Variants in TM9SF2 observed in about 807,000 individuals in gnomAD.
TM9SF2 encodes the protein transmembrane 9 superfamily member 2.
Under a neutral mutation model 84.9 loss-of-function variants are expected in TM9SF2, and 13 were observed. The ratio of observed to expected loss-of-function variants is 0.15; its 90% CI spans 0.10 to 0.24. TM9SF2 has a LOEUF of 0.24. Among genes scored for constraint, TM9SF2 ranks in the 10% least tolerant of loss-of-function variants. The pLI is 1.00. For synonymous variants in TM9SF2, 273 were observed against 285.8 expected (o/e 0.96, Z 0.45); for missense variants, 562 against 818.5 (o/e 0.69, Z 3.82).
At chr13:99,547,172 TG>T in intron 11 of TM9SF2, 68 bp downstream of exon 11, 1 of 1,592,116 alleles carries the variant, frequency 6.3e-7, no homozygotes, top group Non-Finnish European at 8.6e-7. Flanking sequence ...GGATCTGACC[TG>T]GGTATCAGAT....
chr13:99,558,566 G>C (rs1296375220), intron 15 of TM9SF2, among the ~76,000 whole-genome samples: 3 of 152,018 alleles, frequency 2.0e-5, no homozygotes, highest in Non-Finnish European at 4.4e-5. Context: ...TTTATTCCTA[G>C]GTATTTTATT....
In TM9SF2 at chr13:99,501,559, C is replaced by A; in HGVS notation, c.-48C>A. 6.3e-7 allele frequency: 1 copy of A among 1,582,120 alleles called. No individual in the cohort carries two copies. On this transcript the variant is annotated 5_prime_UTR_variant, in exon 1 of 17. Coordinates refer to ENST00000376387, the MANE Select transcript of TM9SF2 (RefSeq NM_004800.3). ...TCTCCGAGACTCCCCACCCCTCCTT[C>A]CCTCTTGACCCCCTAGGTTTGATTG...
intron 9 of TM9SF2, 24 bp from the exon 10 acceptor site, chr13:99,543,839 G>T: frequency 6.2e-7 from 1 of 1,611,756 alleles, no homozygotes; most frequent in Non-Finnish European, 8.5e-7. Context: ...TGAGACAATC[G>T]AACTGATTTC....
chr13:99,518,804 G>A (rs1454805605), intron 2 of TM9SF2, among the ~76,000 whole-genome samples: 1 of 147,920 alleles, frequency 6.8e-6, no homozygotes, highest in African/African-American at 2.5e-5. Flanking sequence ...TGTGGTGATG[G>A]AGTACCACTC....
intron 3 of TM9SF2, among the ~76,000 whole-genome samples, chr13:99,521,421 G>T (rs2046159667): frequency 6.6e-6 from 1 of 152,106 alleles, no homozygotes; most frequent in African/African-American, 2.4e-5. Context: ...TCCTCTCCTG[G>T]CTTCGCGTCT....
At position 99,506,115 on chromosome 13, in the gene TM9SF2, G is replaced by A. The variant is rs72651434; in HGVS notation, c.171+4338G>A. Among the ~76,000 whole-genome samples the A allele has an allele frequency of 3.2e-3, 481 of 152,234 alleles. 3 individuals carry two copies. Among genetic ancestry groups the A allele is most frequent in the Non-Finnish European group, 4.5e-3 (308 of 68,008 alleles). On this transcript the variant is annotated intron_variant, in intron 1 of 16. Transcript: ENST00000376387. The stretch of plus-strand genomic sequence containing the variant: ...CCTTTCTTGGTAGTTATTTTTAGAA[G>A]CATTTTATAAGTTGTGTTTGTTATT...
At chr13:99,520,169 C>G in intron 3 of TM9SF2, 40 bp downstream of exon 3, 1 of 1,535,994 alleles carries the variant, frequency 6.5e-7, no homozygotes, top group Non-Finnish European at 8.9e-7. Flanking sequence ...TTACTTACAG[C>G]TTTTGTTTTT....
At chr13:99,540,681 G>A in intron 7 of TM9SF2, 33 bp from the exon 8 acceptor site, 1 of 1,576,280 alleles carries the variant, frequency 6.3e-7, no homozygotes, top group Non-Finnish European at 8.7e-7. Flanking sequence ...GTCAGCAGAT[G>A]TTTACTTAAA....
chr13:99,560,381 C>T (rs1322274020), intron 16 of TM9SF2, among the ~76,000 whole-genome samples: 1 of 152,162 alleles, frequency 6.6e-6, no homozygotes, highest in African/African-American at 2.4e-5. Flanking sequence ...AAGGCACTTC[C>T]ATCGATTCTG....
At position 99,546,971 on chromosome 13, in the gene TM9SF2, G is replaced by T. The variant is rs749692484; in HGVS notation, c.1151-14G>T. 11 of 1,613,976 alleles carry T rather than the reference G, an allele frequency of 6.8e-6. No homozygotes were observed. Among genetic ancestry groups the T allele is most frequent in the Admixed American group, 1.7e-5 (1 of 59,990 alleles). ...AGTAATAACATGTACAGCCTTTCACGATTTGTGTTTTAGTTTTCGCTTGCC... is the reference window on the plus strand; with the variant it reads ...AGTAATAACATGTACAGCCTTTCACTATTTGTGTTTTAGTTTTCGCTTGCC... On this transcript the variant is annotated splice_polypyrimidine_tract_variant and intron_variant, in intron 10 of 16. Coordinates refer to ENST00000376387, the MANE Select transcript of TM9SF2 (RefSeq NM_004800.3).
intron 10 of TM9SF2, among the ~76,000 whole-genome samples, chr13:99,545,964 A>C (rs1371188464): frequency 6.6e-6 from 1 of 152,242 alleles, no homozygotes; most frequent in Non-Finnish European, 1.5e-5. Context: ...GGAAAGTTTC[A>C]GAGAGTCTAG....
chr13:99,504,724 T>C (rs1414692718), intron 1 of TM9SF2, among the ~76,000 whole-genome samples: 2 of 152,250 alleles, frequency 1.3e-5, no homozygotes, highest in Non-Finnish European at 2.9e-5. Flanking sequence ...ATTAATTTTC[T>C]TAGCCTTCAT....
chr13:99,560,303 C>T (rs1038999459), intron 16 of TM9SF2, among the ~76,000 whole-genome samples: 1 of 152,174 alleles, frequency 6.6e-6, no homozygotes. Flanking sequence ...TTCTACTTTT[C>T]ACTCATCTGT....
intron 9 of TM9SF2, 57 bp downstream of exon 9, chr13:99,541,724 G>T: frequency 8.6e-7 from 1 of 1,157,228 alleles, no homozygotes; most frequent in African/African-American, 1.6e-5. Context: ...TTGTTATTTT[G>T]CAAAAAGGTA....
chr13:99,529,633 T>C, intron 4 of TM9SF2, 39 bp downstream of exon 4: 1 of 1,464,016 alleles, frequency 6.8e-7, no homozygotes, highest in Non-Finnish European at 9.0e-7. Flanking sequence ...GTTTATCCTT[T>C]CCATATGAAA....
chr13:99,546,213 A>AG (rs894455022), intron 10 of TM9SF2, among the ~76,000 whole-genome samples: 6 of 151,986 alleles, frequency 3.9e-5, no homozygotes, highest in African/African-American at 1.2e-4. Context: ...GGGAAACAAT[A>AG]GGGGGGGAAA....
rs1260292313 is a variant in TM9SF2, at chr13:99,539,541, AC to A, written c.813del (p.Ser272LeufsTer34). On this transcript the variant is annotated frameshift_variant, in exon 7 of 17. Coordinates refer to ENST00000376387, the MANE Select transcript of TM9SF2 (RefSeq NM_004800.3). LOFTEE classifies it high-confidence loss of function. ...GGGGAGATAAAAATTGCCTATACTT[AC>A]TCTGTTAGCTTCGAGGTGAGTCTGT... is the stretch of plus-strand genomic sequence containing the variant. ...ASGEIKIAYTYSVSFEEDDKI... is the reference protein window; with the variant it reads ...ASGEIKIAYTXSVSFEEDDKI... The A allele has an allele frequency of 1.2e-6, 2 of 1,606,678 alleles. No individual in the cohort carries two copies. Among genetic ancestry groups the A allele is most frequent in the Non-Finnish European group, 1.7e-6 (2 of 1,173,404 alleles).
chr13:99,518,601 CTTTG>C (rs2046144916), intron 2 of TM9SF2, among the ~76,000 whole-genome samples: 1 of 151,822 alleles, frequency 6.6e-6, no homozygotes, highest in Non-Finnish European at 1.5e-5. Flanking sequence ...TTTCCAGGTT[CTTTG>C]TTTGCTTTTG....
intron 3 of TM9SF2, 39 bp from the exon 4 acceptor site, chr13:99,529,427 TA>T (rs773996277): frequency 6.8e-7 from 1 of 1,467,928 alleles, no homozygotes; most frequent in Non-Finnish European, 9.0e-7. Context: ...AAAACCTGGA[TA>T]TTTTTTCTGA....
Sources: gnomAD v4.1 joint callset for allele counts (sites outside exome capture counted in the v4.1 genomes callset) on GRCh38, gnomAD v4.1.1 for gene constraint, MANE v1.5 for transcripts, NCBI Gene and HGNC (gene_info 2026-07-23, HGNC 2026-07-21) for gene names.